Variants in JCAD observed in about 807,000 individuals in gnomAD.
JCAD encodes junctional cadherin 5 associated.
Under a neutral mutation model 98.0 loss-of-function variants are expected in JCAD, and 40 were observed. That is an observed-to-expected ratio of 0.41 (90% CI 0.32 to 0.53). The LOEUF (loss-of-function observed/expected upper bound fraction) is 0.53. Among genes scored for constraint, JCAD ranks in the 20% least tolerant of loss-of-function variants. JCAD has a pLI of 0.31. For missense variants in JCAD, 1,705 were observed against 1,738.1 expected, an observed-to-expected ratio of 0.98 and a Z score of 0.34; for synonymous variants, 691 against 682.3, an observed-to-expected ratio of 1.01 and a Z score of -0.20.
chr10:30,021,655 T>A (rs1475435605), intron 3 of JCAD, among the ~76,000 whole-genome samples: 1 of 152,226 alleles, frequency 6.6e-6, no homozygotes, highest in Non-Finnish European at 1.5e-5. Context: ...TTGTACTAAG[T>A]CTTTGGAATC....
At chr10:30,097,838 T>C (rs1033408411) in intron 1 of JCAD, among the ~76,000 whole-genome samples, 17 of 151,860 alleles carry the variant, frequency 1.1e-4, no homozygotes, top group Non-Finnish European at 2.1e-4. Flanking sequence ...ATGAAAAAGT[T>C]TGAAAAGGAA....
intron 2 of JCAD, among the ~76,000 whole-genome samples, chr10:30,031,896 A>G (rs1837008042): frequency 6.7e-6 from 1 of 149,906 alleles, no homozygotes; most frequent in Admixed American, 6.6e-5. Flanking sequence ...CTGGGACTAC[A>G]GGCGCCCGCC....
chr10:30,023,724 T>C (rs965266518), intron 3 of JCAD, among the ~76,000 whole-genome samples: 5 of 152,018 alleles, frequency 3.3e-5, no homozygotes, highest in Admixed American at 3.3e-4. Context: ...TGCTTGTTAG[T>C]AGCAGTGGTT....
intron 2 of JCAD, among the ~76,000 whole-genome samples, chr10:30,069,322 G>C (rs908985661): frequency 6.6e-6 from 1 of 151,920 alleles, no homozygotes; most frequent in East Asian, 1.9e-4. Flanking sequence ...GAATGGCCAG[G>C]CACAGTGGCT....
At chr10:30,109,870 T>C in intron 1 of JCAD, among the ~76,000 whole-genome samples, 1 of 150,366 alleles carries the variant, frequency 6.7e-6, no homozygotes, top group Non-Finnish European at 1.5e-5. Flanking sequence ...GTTTATGAAC[T>C]AGCTGATCTA....
At chr10:30,091,849 C>T (rs1171814263) in intron 1 of JCAD, among the ~76,000 whole-genome samples, 1 of 145,078 alleles carries the variant, frequency 6.9e-6, no homozygotes, top group Non-Finnish European at 1.5e-5. Context: ...AATGGCAAAA[C>T]CCTGTCTCTA....
Position 30,028,593 on chromosome 10 carries a change from G to T in JCAD, c.1555C>A (p.Arg519Ser), listed in dbSNP as rs571890951. 1 of 1,613,896 alleles carries T rather than the reference G, an allele frequency of 6.2e-7. No homozygotes were observed. Among genetic ancestry groups the T allele is most frequent in the Non-Finnish European group, 8.5e-7 (1 of 1,179,886 alleles). Residue 519 changes from arginine (R) to serine (S), a missense_variant, in exon 3 of 4, where the codon CGC becomes AGC. By Grantham distance (110) the Arg-to-Ser change is moderately radical. Coordinates refer to ENST00000375377, the MANE Select transcript of JCAD (RefSeq NM_020848.4). ...GGCCACTGTCCCCTTGCCACACAGC[G>T]GTCTCTCTGGTTGGGGAGGCCACTG... is the stretch of plus-strand genomic sequence containing the variant. ...ENSGLPNQRD[R>S]CVARGQWPDV... is the part of the protein sequence containing the mutation.
upstream of JCAD, among the ~76,000 whole-genome samples, chr10:30,061,893 C>T (rs752233713): frequency 1.7e-4 from 26 of 152,122 alleles, no homozygotes; most frequent in Non-Finnish European, 3.4e-4. Context: ...GGGTGGAGCA[C>T]CTCTATGTGC....
intron 1 of JCAD, among the ~76,000 whole-genome samples, chr10:30,098,733 C>G (rs546253593): frequency 1.3e-5 from 2 of 152,344 alleles, no homozygotes; most frequent in South Asian, 4.1e-4. Context: ...CTCATATTCT[C>G]TTTGAGTGCC....
At chr10:30,057,993 A>C (rs1837612742) in intron 1 of JCAD, among the ~76,000 whole-genome samples, 1 of 152,170 alleles carries the variant, frequency 6.6e-6, no homozygotes, top group African/African-American at 2.4e-5. Flanking sequence ...GTGGTCTTAA[A>C]ATTCTAAAAT....
In JCAD at chr10:30,044,127, A is replaced by G. The variant is rs149377628; in HGVS notation, c.281+3405T>C. ...GAGATGACACAGCAAGAAGGCCCTCATGAGATACCACCACCTTGACCCTGG... is the reference window on the plus strand; with the variant it reads ...GAGATGACACAGCAAGAAGGCCCTCGTGAGATACCACCACCTTGACCCTGG... On this transcript the variant is annotated intron_variant, in intron 2 of 3. Coordinates refer to ENST00000375377, the MANE Select transcript of JCAD (RefSeq NM_020848.4). Among the ~76,000 whole-genome samples the G allele has an allele frequency of 5.1e-3, 777 of 152,284 alleles. 6 individuals carry two copies. The highest frequency in any genetic ancestry group is 8.6e-3 in the Non-Finnish European group (583 of 68,020).
chr10:30,087,228 A>G (rs1838180923), intron 1 of JCAD, among the ~76,000 whole-genome samples: 1 of 152,118 alleles, frequency 6.6e-6, no homozygotes, highest in South Asian at 2.1e-4. Context: ...GGATCACCTA[A>G]GGTCAGCTCA....
intron 1 of JCAD, among the ~76,000 whole-genome samples, chr10:30,095,594 G>A (rs775458115): frequency 2.0e-5 from 3 of 152,226 alleles, no homozygotes; most frequent in Non-Finnish European, 2.9e-5. Flanking sequence ...TGCACTTCAT[G>A]TATCTGAGTA....
At chr10:30,052,488 TC>T (rs1837491157) in intron 1 of JCAD, among the ~76,000 whole-genome samples, 1 of 151,916 alleles carries the variant, frequency 6.6e-6, no homozygotes, top group African/African-American at 2.4e-5. Context: ...GCTAAATAGG[TC>T]ATCTGAAGAC....
chr10:30,020,613 T>A (rs1836643442), intron 3 of JCAD, among the ~76,000 whole-genome samples: 1 of 152,224 alleles, frequency 6.6e-6, no homozygotes, highest in African/African-American at 2.4e-5. Flanking sequence ...TCAAACGTCA[T>A]CAGCTGCACG....
intron 2 of JCAD, among the ~76,000 whole-genome samples, chr10:30,031,778 G>A (rs1450770788): frequency 9.8e-5 from 8 of 81,542 alleles, no homozygotes; most frequent in South Asian, 3.9e-4. Flanking sequence ...TTTTTGAGAC[G>A]GAGTCTTGCT....
At chr10:30,069,179 T>C (rs1837837268) in intron 2 of JCAD, among the ~76,000 whole-genome samples, 1 of 152,298 alleles carries the variant, frequency 6.6e-6, no homozygotes. Context: ...AATTTTTGAA[T>C]ACCTCTGAAG....
At chr10:30,025,874 G>A in intron 3 of JCAD, 1 of 560,962 alleles carries the variant, frequency 1.8e-6, no homozygotes, top group South Asian at 2.1e-5. Flanking sequence ...CCAGGCGACA[G>A]AGTGAGATAC....
chr10:30,089,791 C>G (rs1044815767), intron 1 of JCAD, among the ~76,000 whole-genome samples: 4 of 152,050 alleles, frequency 2.6e-5, no homozygotes, highest in African/African-American at 9.7e-5. Flanking sequence ...AACAGCAAGG[C>G]TTTTCTGTAT....
Sources: gnomAD v4.1 joint callset for allele counts (sites outside exome capture counted in the v4.1 genomes callset) on GRCh38, gnomAD v4.1.1 for gene constraint, MANE v1.5 for transcripts, NCBI Gene and HGNC (gene_info 2026-07-23, HGNC 2026-07-21) for gene names.